Variants in ALX1 observed in about 807,000 individuals in gnomAD.
ALX1 encodes the protein ALX homeobox protein 1.
A neutral mutation model predicts 31.7 loss-of-function variants in ALX1; 19 were observed. The ratio of observed to expected loss-of-function variants is 0.60; its 90% CI spans 0.42 to 0.88. The LOEUF (loss-of-function observed/expected upper bound fraction) is 0.88. Among genes scored for constraint, ALX1 ranks in the 40% least tolerant of loss-of-function variants. The probability of loss-of-function intolerance (pLI) is 0.00; values close to 1 mark genes in which losing one functional copy is unlikely to be tolerated. For missense variants in ALX1, 415 were observed against 407.8 expected (o/e 1.02, Z -0.15); for synonymous variants, 153 against 148.8 (o/e 1.03, Z -0.20).
At chr12:85,301,023 A>G in intron 3 of ALX1, 132 bp from the exon 4 acceptor site, 1 of 856,508 alleles carries the variant, frequency 1.2e-6, no homozygotes. Flanking sequence ...TCATTGTTGT[A>G]TGTAATTACA....
chr12:85,300,350 C>CTCT (rs1169563562), intron 3 of ALX1, among the ~76,000 whole-genome samples: 5 of 152,030 alleles, frequency 3.3e-5, no homozygotes, highest in African/African-American at 2.4e-5. Context: ...GCAGTTTCTA[C>CTCT]TCTATAGGAG....
At position 85,300,961 on chromosome 12, in the gene ALX1, C is replaced by T. The variant is rs1593054999; in HGVS notation, c.661-194C>T. ...GTGGCCAAGAATGTGAGATTTGTTG[C>T]TCTATTTCAGTATAACAAACTAGAA... On this transcript the variant is annotated intron_variant, in intron 3 of 3. Transcript: ENST00000316824. Among the ~76,000 whole-genome samples, 4 of 152,140 alleles carry T rather than the reference C, an allele frequency of 2.6e-5. No individual in the cohort carries two copies. In the South Asian group the frequency reaches 8.3e-4, roughly 32 times the overall value.
chr12:85,300,747 T>C (rs1044066147), intron 3 of ALX1, among the ~76,000 whole-genome samples: 2 of 152,104 alleles, frequency 1.3e-5, no homozygotes, highest in Non-Finnish European at 2.9e-5. Flanking sequence ...TAGAATTTTT[T>C]TTAAAAATGC....
intron 3 of ALX1, 142 bp downstream of exon 3, chr12:85,287,123 G>T: frequency 1.0e-6 from 1 of 958,624 alleles, no homozygotes; most frequent in Non-Finnish European, 1.5e-6. Context: ...CTTCATGTCT[G>T]CTAAGTTTTA....
Position 85,301,688 on chromosome 12 carries a change from A to G in ALX1, c.*213A>G. Reference sequence around the variant, plus strand: ...ATAGGTTTACCATGTGCCAGTCTCCACAAACCCTGTTTTAGTAGTAAGGTT... The same window carrying G: ...ATAGGTTTACCATGTGCCAGTCTCCGCAAACCCTGTTTTAGTAGTAAGGTT... On this transcript the variant is annotated 3_prime_UTR_variant, in exon 4 of 4. Transcript: ENST00000316824. The G allele has an allele frequency of 1.6e-6, 1 of 606,558 alleles. No homozygotes were observed. The highest frequency in any genetic ancestry group is 2.9e-6 in the Non-Finnish European group (1 of 349,908). 37.6% of individuals were successfully genotyped at this position (606,558 alleles called of 1,614,324 possible).
At position 85,283,644 on chromosome 12, in the gene ALX1, A is replaced by G. The variant is rs1896709099; in HGVS notation, c.299A>G (p.Asn100Ser). ...TELNRAMDNC[N>S]SLRMSPVKGM... ...CTGAATAGAGCTATGGACAACTGTA[A>G]CAGTCTCCGAATGTCTCCCGTGAAA... The change falls in exon 2 of 4, where the codon AAC becomes AGC. Residue 100 changes from asparagine to serine, a missense_variant. By Grantham distance (46) the Asn-to-Ser change is conservative. Coordinates refer to ENST00000316824, the MANE Select transcript of ALX1 (RefSeq NM_006982.3). 2 of 1,614,136 alleles carry G rather than the reference A, an allele frequency of 1.2e-6. No individual in the cohort carries two copies. The highest frequency in any genetic ancestry group is 1.1e-5 in the South Asian group (1 of 91,082).
At chr12:85,280,602 G>T in intron 1 of ALX1, 115 bp downstream of exon 1, 4 of 1,108,888 alleles carry the variant, frequency 3.6e-6, no homozygotes, top group Non-Finnish European at 5.3e-6. Context: ...GAGGGACCTG[G>T]AAGGTGGAGG....
At chr12:85,286,769 C>G (rs1426764909) in intron 2 of ALX1, 84 bp from the exon 3 acceptor site, 1 of 1,267,510 alleles carries the variant, frequency 7.9e-7, no homozygotes, top group East Asian at 2.6e-5. Context: ...CCTGGTTTAC[C>G]TTTCTTGTTT....
Position 85,283,858 on chromosome 12 carries a change from C to T in ALX1, c.513C>T (p.Leu171=). Residue 171 remains leucine (L), a synonymous_variant, in exon 2 of 4, where the codon CTC becomes CTT. Coordinates refer to ENST00000316824, the MANE Select transcript of ALX1 (RefSeq NM_006982.3). ...VREQLALRTE[L]TEARVQVWFQ... is the part of the protein sequence containing the mutation. ...AACAGCTTGCTCTGAGGACAGAGCT[C>T]ACTGAGGCCAGGGTCCAGGTAGGAG... 1.2e-6 allele frequency: 2 copies of T among 1,613,930 alleles called. No homozygotes were observed. Among genetic ancestry groups the T allele is most frequent in the Non-Finnish European group, 1.7e-6 (2 of 1,179,970 alleles).
rs754201598 is a variant in ALX1, at chr12:85,301,146, A to T, written c.661-9A>T. On this transcript the variant is annotated splice_polypyrimidine_tract_variant and intron_variant, in intron 3 of 3. Coordinates refer to ENST00000316824, the MANE Select transcript of ALX1 (RefSeq NM_006982.3). ...GTAAATGTAATATTTGTTGTTTTAT[A>T]TATTCCAGATTCAGAACAATTTGTG... 2.5e-6 allele frequency: 4 copies of T among 1,613,754 alleles called. No individual in the cohort carries two copies. The South Asian group carries it at 4.4e-5, about 18-fold the overall frequency.
At chr12:85,292,060 A>G (rs927972760) in intron 3 of ALX1, among the ~76,000 whole-genome samples, 1 of 151,128 alleles carries the variant, frequency 6.6e-6, no homozygotes, top group Non-Finnish European at 1.5e-5. Flanking sequence ...TGCCTAGTAC[A>G]AAACAGAACT....
At chr12:85,292,623 A>G (rs1896832651) in intron 3 of ALX1, among the ~76,000 whole-genome samples, 2 of 151,166 alleles carry the variant, frequency 1.3e-5, no homozygotes, top group African/African-American at 2.4e-5. Flanking sequence ...ATTTTAGTTT[A>G]ACACATTCTA....
At chr12:85,298,070 T>C (rs1896912275) in intron 3 of ALX1, among the ~76,000 whole-genome samples, 1 of 151,682 alleles carries the variant, frequency 6.6e-6, no homozygotes, top group African/African-American at 2.4e-5. Context: ...TGAGAAATAA[T>C]TGTGGGTTTT....
intron 3 of ALX1, among the ~76,000 whole-genome samples, chr12:85,293,512 C>T (rs1191196394): frequency 6.6e-6 from 1 of 150,502 alleles, no homozygotes; most frequent in Non-Finnish European, 1.5e-5. Flanking sequence ...AAAGAATATC[C>T]TCCAAAAGAA....
intron 3 of ALX1, among the ~76,000 whole-genome samples, chr12:85,294,661 A>T (rs1896863404): frequency 6.6e-6 from 1 of 151,122 alleles, no homozygotes; most frequent in Admixed American, 6.6e-5. Flanking sequence ...CAGACATTAA[A>T]ATTTCTTATT....
chr12:85,295,636 C>T (rs1896877755), intron 3 of ALX1, among the ~76,000 whole-genome samples: 1 of 151,514 alleles, frequency 6.6e-6, no homozygotes, highest in Non-Finnish European at 1.5e-5. Context: ...TCTCTGATCT[C>T]TGTCTTTTAA....
chr12:85,291,558 A>T (rs1218797705), intron 3 of ALX1, among the ~76,000 whole-genome samples: 1 of 151,198 alleles, frequency 6.6e-6, no homozygotes, highest in Non-Finnish European at 1.5e-5. Context: ...TATAATTACC[A>T]TTCATTTCTT....
Position 85,283,852 on chromosome 12 carries a change from A to G in ALX1, c.507A>G (p.Thr169=), listed in dbSNP as rs115154507. ...VYVREQLALR[T]ELTEARVQVW... ...TCAGAGAACAGCTTGCTCTGAGGAC[A>G]GAGCTCACTGAGGCCAGGGTCCAGG... Residue 169 remains threonine, a synonymous_variant, in exon 2 of 4, where the codon ACA becomes ACG. Transcript: ENST00000316824. 1.5e-5 allele frequency: 25 copies of G among 1,613,934 alleles called. No individual in the cohort carries two copies. The East Asian group carries it at 5.1e-4, about 33-fold the overall frequency.
rs775260906 is a variant in ALX1, at chr12:85,280,371, A to G, written c.110A>G (p.Asn37Ser). 3.1e-6 allele frequency: 5 copies of G among 1,613,802 alleles called. No homozygotes were observed. Among genetic ancestry groups the G allele is most frequent in the African/African-American group, 1.3e-5 (1 of 74,924 alleles). ...GAGCACGTTATGGAGACGCTGGACA[A>G]TGAGTCCTTTTACAGCAAAGCGTCT... is the stretch of plus-strand genomic sequence containing the variant. ...PLEHVMETLD[N>S]ESFYSKASAG... Residue 37 changes from asparagine to serine, a missense_variant, in exon 1 of 4, where the codon AAT (asparagine) becomes AGT (serine). By Grantham distance (46) the Asn-to-Ser change is conservative (BLOSUM62 1). This residue lies in a region of ALX1 where 235 missense variants were observed against 208.9 expected (regional missense o/e 1.13). Coordinates refer to ENST00000316824, the MANE Select transcript of ALX1 (RefSeq NM_006982.3).
Sources: allele counts gnomAD v4.1 joint callset (sites outside exome capture counted in the v4.1 genomes callset), GRCh38; gene constraint gnomAD v4.1.1; regional missense constraint gnomAD v4.1.1; transcripts MANE v1.5; gene names NCBI Gene and HGNC (gene_info 2026-07-23, HGNC 2026-07-21).